The following GLUL variants were observed in gnomAD, a reference collection of about 807,000 sequenced individuals.
GLUL encodes the protein glutamate-ammonia ligase.
GLUL carries 8 observed loss-of-function variants against 36.9 expected under a neutral mutation model. The observed-to-expected ratio is 0.22, with a 90% confidence interval of 0.13 to 0.39. The LOEUF is 0.39. Ranked by LOEUF, GLUL falls within the 10% of genes least tolerant of loss-of-function variation. The pLI is 1.00. For synonymous variants in GLUL, 182 were observed against 172.8 expected (o/e 1.05, Z -0.42); for missense variants, 315 against 501.8 (o/e 0.63, Z 3.56).
Position 182,378,490 on chromosome 1 carries a change from A to G in GLUL, c.*5915T>C, listed in dbSNP as rs1335660098. On this transcript the variant is annotated 3_prime_UTR_variant, in exon 7 of 7. Coordinates refer to ENST00000331872, the MANE Select transcript of GLUL (RefSeq NM_001033044.4). Reference sequence around the variant, plus strand: ...ATGGCAGAGTGGGTAATTAATTGGAAAGAGTTGGCAGTAGAACTTTAAGAA... The same window carrying G: ...ATGGCAGAGTGGGTAATTAATTGGAGAGAGTTGGCAGTAGAACTTTAAGAA... Among the ~76,000 whole-genome samples the G allele has an allele frequency of 2.0e-5, 3 of 152,194 alleles. No homozygotes were observed. Among genetic ancestry groups the G allele is most frequent in the Non-Finnish European group, 2.9e-5 (2 of 68,030 alleles).
chr1:182,383,159 AC>A lies in GLUL; in HGVS notation c.*1245del, dbSNP rs961110777. The A allele has an allele frequency of 3.3e-5, 5 of 152,240 alleles. No homozygotes were observed. The highest frequency in any genetic ancestry group is 4.8e-5 in the African/African-American group (2 of 41,466). The allele number at this position is 152,240 out of a possible 1,614,324, so 9.4% of individuals were successfully genotyped here. On this transcript the variant is annotated 3_prime_UTR_variant, in exon 7 of 7. Transcript: ENST00000331872. Reference sequence around the variant, plus strand: ...AACAAAGACATCAAGATACAAAATTACAAGTGTTTTGACTCCAGCCCTGTCC... The same window carrying A: ...AACAAAGACATCAAGATACAAAATTAAAGTGTTTTGACTCCAGCCCTGTCC...
chr1:182,381,256 G>A lies in GLUL; in HGVS notation c.*3149C>T, dbSNP rs1649917491. On this transcript the variant is annotated 3_prime_UTR_variant, in exon 7 of 7. Transcript: ENST00000331872. ...TATACTCCAGCCTGGGTGAGAGTCA[G>A]ACCCCGTCTCAAAAACAACAAAAGG... Among the ~76,000 whole-genome samples the A allele has an allele frequency of 6.6e-6, 1 of 152,022 alleles. No individual in the cohort carries two copies. The highest frequency in any genetic ancestry group is 2.4e-5 in the African/African-American group (1 of 41,434).
In GLUL at chr1:182,383,371, C is replaced by T. The variant is rs1428193547; in HGVS notation, c.*1034G>A. Reference sequence around the variant, plus strand: ...CCTACCAGAAAATAACCCCAATACCCCCTCTGTCAGTAACATGCTCAAGTT... The same window carrying T: ...CCTACCAGAAAATAACCCCAATACCTCCTCTGTCAGTAACATGCTCAAGTT... On this transcript the variant is annotated 3_prime_UTR_variant, in exon 7 of 7. Transcript: ENST00000331872. The T allele has an allele frequency of 6.6e-6, 1 of 152,184 alleles. No homozygotes were observed. The highest frequency in any genetic ancestry group is 2.4e-5 in the African/African-American group (1 of 41,438). 9.4% of individuals were successfully genotyped at this position (152,184 alleles called of 1,614,324 possible).
At chr1:182,386,583 T>G in intron 3 of GLUL, 181 bp from the exon 4 acceptor site, 1 of 672,278 alleles carries the variant, frequency 1.5e-6, no homozygotes, top group Non-Finnish European at 2.7e-6. Flanking sequence ...AGCTGTTAAT[T>G]GTACATCTGT....
In GLUL at chr1:182,384,347, A is replaced by AAG; in HGVS notation, c.*56_*57dup. On this transcript the variant is annotated 3_prime_UTR_variant, in exon 7 of 7. Coordinates refer to ENST00000331872, the MANE Select transcript of GLUL (RefSeq NM_001033044.4). ...CAATCGGGACAACTGGGAGAGGGGG[A>AAG]AGAGTTGGAGTGGGATGAAGAACTA... 3 of 1,159,128 alleles carry AAG rather than the reference A, an allele frequency of 2.6e-6. No individual in the cohort carries two copies. The highest frequency in any genetic ancestry group is 2.5e-5 in the South Asian group (2 of 79,386). 71.8% of individuals were successfully genotyped at this position (1,159,128 alleles called of 1,614,324 possible). A position where few individuals can be genotyped will look rare whatever the true frequency, so the allele number is the denominator to read the frequency against.
chr1:182,379,430 C>T lies in GLUL; in HGVS notation c.*4975G>A, dbSNP rs1649847330. 6.6e-6 allele frequency among the ~76,000 whole-genome samples: 1 copy of T among 152,088 alleles called. No individual in the cohort carries two copies. ...TAGAGACAAGGTTTCACCATGTTGGCCACGCTGGTCTCGAACTCCTGAACT... is the reference window on the plus strand; with the variant it reads ...TAGAGACAAGGTTTCACCATGTTGGTCACGCTGGTCTCGAACTCCTGAACT... On this transcript the variant is annotated 3_prime_UTR_variant, in exon 7 of 7. Coordinates refer to ENST00000331872, the MANE Select transcript of GLUL (RefSeq NM_001033044.4).
Position 182,379,914 on chromosome 1 carries a change from A to T in GLUL, c.*4491T>A, listed in dbSNP as rs953491507. On this transcript the variant is annotated 3_prime_UTR_variant, in exon 7 of 7. Transcript: ENST00000331872. ...GGCTGGAGTACAATGTTGCAATCTCAGCTCACTGCAACCTCCGCCTTCCAG... is the reference window on the plus strand; with the variant it reads ...GGCTGGAGTACAATGTTGCAATCTCTGCTCACTGCAACCTCCGCCTTCCAG... Among the ~76,000 whole-genome samples the T allele has an allele frequency of 1.0e-4, 15 of 148,798 alleles. No homozygotes were observed. Among genetic ancestry groups the T allele is most frequent in the Admixed American group, 9.5e-4 (14 of 14,726 alleles).
chr1:182,384,488 C>T lies in GLUL; in HGVS notation c.1039G>A (p.Asp347Asn), dbSNP rs1210135609. Residue 347 changes from aspartate (D) to asparagine (N), a missense_variant, in exon 7 of 7, where the codon GAC (aspartate) becomes AAC (asparagine). This residue lies in a region of GLUL where 58 missense variants were observed against 89.5 expected (regional missense o/e 0.65). Transcript: ENST00000331872. ...AGGGCTTCTGTCACCGAAAAGGGGT[C>T]GCAGTTGGCAGAGGGGCGACGATCT... ...FEDRRPSANC[D>N]PFSVTEALIR... 7 of 1,613,900 alleles carry T rather than the reference C, an allele frequency of 4.3e-6. 1 individual carries two copies. In the Admixed American group the frequency reaches 6.7e-5, roughly 15 times the overall value.
chr1:182,385,453 G>A lies in GLUL; in HGVS notation c.707C>T (p.Ala236Val), dbSNP rs748093299. 2 of 1,613,690 alleles carry A rather than the reference G, an allele frequency of 1.2e-6. No homozygotes were observed. The highest frequency in any genetic ancestry group is 8.5e-7 in the Non-Finnish European group (1 of 1,179,630). Residue 236 changes from alanine (A) to valine (V), a missense_variant, in exon 6 of 7, where the codon GCA (alanine) becomes GTA (valine). Physicochemically the swap from Ala to Val is moderately conservative, Grantham distance 64. This residue lies in a region of GLUL where 256 missense variants were observed against 396.1 expected (regional missense o/e 0.65). Transcript: ENST00000331872. Reference sequence around the variant, plus strand: ...AGGAATGGGCTTAGGATCAAAGGTTGCTATCACTCCAAAGTCTTCACACAC... The same window carrying A: ...AGGAATGGGCTTAGGATCAAAGGTTACTATCACTCCAAAGTCTTCACACAC... ...HRVCEDFGVI[A>V]TFDPKPIPGN...
Position 182,385,510 on chromosome 1 carries a change from T to C in GLUL, c.650A>G (p.His217Arg). The C allele has an allele frequency of 6.2e-7, 1 of 1,614,076 alleles. No homozygotes were observed. The change falls in exon 6 of 7, where the codon CAT (histidine) becomes CGT (arginine). Residue 217 changes from histidine (H) to arginine (R), a missense_variant. Around this residue, in one of 3 missense-constraint regions of GLUL, gnomAD observed 256 missense variants for 396.1 expected, o/e 0.65. Coordinates refer to ENST00000331872, the MANE Select transcript of GLUL (RefSeq NM_001033044.4). ...CAAGATGAAACGGGCCACCCAGAGA[T>C]GATCTCCCATGCTGATTCCTTCACA... ...GPCEGISMGD[H>R]LWVARFILHR...
At chr1:182,387,364 C>G in intron 2 of GLUL, 72 bp from the exon 3 acceptor site, 2 of 999,550 alleles carry the variant, frequency 2.0e-6, no homozygotes, top group Non-Finnish European at 3.2e-6. Context: ...TACAGCCAGC[C>G]CTTCACTCAC....
chr1:182,386,220 T>C, intron 4 of GLUL, 36 bp downstream of exon 4: 1 of 1,598,668 alleles, frequency 6.3e-7, no homozygotes, highest in Non-Finnish European at 8.6e-7. Context: ...AGTTAGACAC[T>C]TCTGGGAATT....
chr1:182,380,322 T>C lies in GLUL; in HGVS notation c.*4083A>G, dbSNP rs937617425. On this transcript the variant is annotated 3_prime_UTR_variant, in exon 7 of 7. Coordinates refer to ENST00000331872, the MANE Select transcript of GLUL (RefSeq NM_001033044.4). Reference sequence around the variant, plus strand: ...TTTTGGGGTTTTGTTTGTTTTGTTTTGTTTAGGCAAGGTCTTGATCTGTCA... The same window carrying C: ...TTTTGGGGTTTTGTTTGTTTTGTTTCGTTTAGGCAAGGTCTTGATCTGTCA... Among the ~76,000 whole-genome samples, 1 of 152,240 alleles carries C rather than the reference T, an allele frequency of 6.6e-6. No homozygotes were observed. The highest frequency in any genetic ancestry group is 2.1e-4 in the South Asian group (1 of 4,832).
In GLUL at chr1:182,385,450, G is replaced by A; in HGVS notation, c.710C>T (p.Thr237Ile). The change falls in exon 6 of 7, where the codon ACC (threonine) becomes ATC (isoleucine). Residue 237 changes from threonine (T) to isoleucine (I), a missense_variant. Thr to Ile is a moderately conservative substitution (Grantham distance 89). This residue lies in a region of GLUL where 256 missense variants were observed against 396.1 expected (regional missense o/e 0.65). Transcript: ENST00000331872. ...CCCAGGAATGGGCTTAGGATCAAAG[G>A]TTGCTATCACTCCAAAGTCTTCACA... is the stretch of plus-strand genomic sequence containing the variant. ...RVCEDFGVIA[T>I]FDPKPIPGNW... 1.2e-6 allele frequency: 2 copies of A among 1,613,810 alleles called. No homozygotes were observed. The highest frequency in any genetic ancestry group is 1.7e-6 in the Non-Finnish European group (2 of 1,179,750).
At position 182,378,782 on chromosome 1, in the gene GLUL, A is replaced by AT. The variant is rs548954368; in HGVS notation, c.*5622dup. ...TCTGCATATTGTAAAATGAAATAGA[A>AT]TTTTTTTTTTCTTGAGATGGAGTCA... On this transcript the variant is annotated 3_prime_UTR_variant, in exon 7 of 7. Transcript: ENST00000331872. 3.0e-3 allele frequency among the ~76,000 whole-genome samples: 453 copies of AT among 151,014 alleles called. 1 individual carries two copies. Among genetic ancestry groups the AT allele is most frequent in the African/African-American group, 0.011 (435 of 41,278 alleles).
chr1:182,388,842 CAG>C, intron 1 of GLUL, 92 bp from the exon 2 acceptor site: 1 of 984,446 alleles, frequency 1.0e-6, no homozygotes, highest in African/African-American at 1.6e-5. Context: ...AATCAAAAGT[CAG>C]AGTGTAAGTG....
chr1:182,386,142 T>A (rs2101933340), intron 4 of GLUL, 114 bp downstream of exon 4: 3 of 1,105,956 alleles, frequency 2.7e-6, no homozygotes, highest in Middle Eastern at 2.9e-4. Flanking sequence ...CTGTTTCGCC[T>A]TTACTGTATT....
At position 182,387,298 on chromosome 1, in the gene GLUL, G is replaced by C. The variant is rs766410836; in HGVS notation, c.167-6C>G. On this transcript the variant is annotated splice_polypyrimidine_tract_variant and splice_region_variant and intron_variant, in intron 2 of 6. Coordinates refer to ENST00000331872, the MANE Select transcript of GLUL (RefSeq NM_001033044.4). Reference sequence around the variant, plus strand: ...GAAATTCCACTCAGGCAACTCTGGGGCAAAAAGAGGGAAAATTACATTTAA... The same window carrying C: ...GAAATTCCACTCAGGCAACTCTGGGCCAAAAAGAGGGAAAATTACATTTAA... 1.2e-5 allele frequency: 20 copies of C among 1,608,162 alleles called. No homozygotes were observed. Among genetic ancestry groups the C allele is most frequent in the Middle Eastern group, 1.6e-4 (1 of 6,074 alleles).
rs1236085788 is a variant in GLUL, at chr1:182,386,422, A to C, written c.329-20T>G. On this transcript the variant is annotated intron_variant, in intron 3 of 6. Coordinates refer to ENST00000331872, the MANE Select transcript of GLUL (RefSeq NM_001033044.4). ...TGGTCTCTAGAAAAAAGAGTCAATA[A>C]TACGCCATCAGGGATCTAAAGACAT... 3 of 1,575,296 alleles carry C rather than the reference A, an allele frequency of 1.9e-6. No homozygotes were observed. Among genetic ancestry groups the C allele is most frequent in the Non-Finnish European group, 8.7e-7 (1 of 1,144,546 alleles).
Sources: gnomAD v4.1 joint callset for allele counts (sites outside exome capture counted in the v4.1 genomes callset) on GRCh38, gnomAD v4.1.1 for gene constraint, gnomAD v4.1.1 regional missense constraint, MANE v1.5 for transcripts, NCBI Gene and HGNC (gene_info 2026-07-23, HGNC 2026-07-21) for gene names.